Variants in SYNGR1 observed in about 807,000 individuals in gnomAD.
SYNGR1 encodes the protein synaptogyrin-1.
Under a neutral mutation model 26.1 loss-of-function variants are expected in SYNGR1, and 14 were observed. The observed-to-expected ratio is 0.54, with a 90% CI of 0.35 to 0.84. The LOEUF (loss-of-function observed/expected upper bound fraction) is 0.84, where lower values mean the gene tolerates loss of function less well. Ranked by LOEUF, SYNGR1 falls within the 40% of genes least tolerant of loss-of-function variation. The pLI is 0.01. For synonymous variants in SYNGR1, 141 were observed against 150.1 expected (o/e 0.94, Z 0.44); for missense variants, 319 against 332.9 (o/e 0.96, Z 0.33).
rs944488632 is a variant in SYNGR1, at chr22:39,385,208, G to A, written c.*3294G>A. Reference sequence around the variant, plus strand: ...AGTTTATGGGAGAAGGGACTGGGCCGGCTGCCTCCCAGCGATGCACTTGAC... The same window carrying A: ...AGTTTATGGGAGAAGGGACTGGGCCAGCTGCCTCCCAGCGATGCACTTGAC... On this transcript the variant is annotated 3_prime_UTR_variant, in exon 4 of 4. Transcript: ENST00000328933. 1.5e-5 allele frequency: 6 copies of A among 390,268 alleles called. No homozygotes were observed. Among genetic ancestry groups the A allele is most frequent in the South Asian group, 1.4e-4 (1 of 6,924 alleles). 24.2% of individuals were successfully genotyped at this position (390,268 alleles called of 1,614,324 possible).
rs1925512314 is a variant in SYNGR1, at chr22:39,381,887, C to T, written c.675C>T (p.Pro225=). The T allele has an allele frequency of 1.9e-6, 3 of 1,612,540 alleles. No homozygotes were observed. Among genetic ancestry groups the T allele is most frequent in the Non-Finnish European group, 2.5e-6 (3 of 1,179,808 alleles). ...CGGCCAACACCTTCGACACCGAGCC[C>T]CAGGGCTACCAGTCGCAGGGCTACT... ...QQPANTFDTE[P]QGYQSQGY is the part of the protein sequence containing the mutation. The change falls in exon 4 of 4, where the codon CCC becomes CCT. Residue 225 remains proline, a synonymous_variant. Transcript: ENST00000328933.
chr22:39,364,109 A>G (rs945578073), intron 1 of SYNGR1: 6 of 1,594,874 alleles, frequency 3.8e-6, no homozygotes, highest in Non-Finnish European at 5.1e-6. Flanking sequence ...GAGGGGAGAT[A>G]CCATCTCCCC....
At chr22:39,367,245 G>T (rs1318982388) in intron 1 of SYNGR1, among the ~76,000 whole-genome samples, 3 of 152,236 alleles carry the variant, frequency 2.0e-5, no homozygotes, top group African/African-American at 7.2e-5. Flanking sequence ...AGGAAATGTT[G>T]AGTGAACGAA....
intron 3 of SYNGR1, chr22:39,377,111 C>A: frequency 6.5e-7 from 1 of 1,539,866 alleles, no homozygotes; most frequent in Non-Finnish European, 8.8e-7. Flanking sequence ...CTTCTGGGCC[C>A]AGCCTCCTGC....
intron 1 of SYNGR1, among the ~76,000 whole-genome samples, chr22:39,360,570 G>T (rs191119696): frequency 6.6e-6 from 1 of 152,138 alleles, no homozygotes; most frequent in Admixed American, 6.6e-5. Flanking sequence ...GAATGTGGAC[G>T]CCCTCACCCC....
At chr22:39,373,551 C>T (rs984475104) in intron 1 of SYNGR1, among the ~76,000 whole-genome samples, 6 of 151,964 alleles carry the variant, frequency 3.9e-5, no homozygotes, top group East Asian at 1.9e-4. Context: ...GGCATGATCA[C>T]GGTTCACTAC....
chr22:39,380,836 G>A (rs146160115), intron 3 of SYNGR1, among the ~76,000 whole-genome samples: 5,767 of 151,928 alleles, frequency 0.038, 373 homozygotes, highest in African/African-American at 0.13. Flanking sequence ...GGCCAGGCTG[G>A]TCTCAAACTC....
rs1246145796 is a variant in SYNGR1, at chr22:39,382,466, CTG to C, written c.*553_*554del. 1.2e-5 allele frequency: 2 copies of C among 171,120 alleles called. No individual in the cohort carries two copies. The highest frequency in any genetic ancestry group is 2.6e-5 in the Non-Finnish European group (2 of 78,290). The allele number at this position is 171,120 out of a possible 1,614,324, so 10.6% of individuals were successfully genotyped here. ...CGTCTCCATTTTATGGTTGAGGAAA[CTG>C]AGGTCTAGAGAGGTCAAGATTACTT... On this transcript the variant is annotated 3_prime_UTR_variant, in exon 4 of 4. Coordinates refer to ENST00000328933, the MANE Select transcript of SYNGR1 (RefSeq NM_004711.5).
rs1390479212 is a variant in SYNGR1, at chr22:39,350,570, G to A, written c.99+461G>A. 6.6e-6 allele frequency among the ~76,000 whole-genome samples: 1 copy of A among 152,166 alleles called. No individual in the cohort carries two copies. Among genetic ancestry groups the A allele is most frequent in the Non-Finnish European group, 1.5e-5 (1 of 68,018 alleles). ...CGCGCCTGCGATGGACGTTGGAGGAGGAGAGGGCCGGGAACCGGGTTCGTA... is the reference window on the plus strand; with the variant it reads ...CGCGCCTGCGATGGACGTTGGAGGAAGAGAGGGCCGGGAACCGGGTTCGTA... On this transcript the variant is annotated intron_variant, in intron 1 of 3. Coordinates refer to ENST00000328933, the MANE Select transcript of SYNGR1 (RefSeq NM_004711.5). The surrounding 1 kb of genome is among the most constrained non-coding windows in gnomAD (Gnocchi z 4.3).
chr22:39,377,334 C>T (rs1925327695), intron 3 of SYNGR1: 2 of 985,398 alleles, frequency 2.0e-6, no homozygotes, highest in Non-Finnish European at 2.4e-6. Flanking sequence ...GCTGCTCCAC[C>T]CCTCAGTGTC....
intron 1 of SYNGR1, among the ~76,000 whole-genome samples, chr22:39,360,636 G>A (rs995504832): frequency 1.3e-5 from 2 of 152,162 alleles, no homozygotes; most frequent in Non-Finnish European, 2.9e-5. Context: ...TAATATACAT[G>A]CTGAGCACGG....
intron 1 of SYNGR1, among the ~76,000 whole-genome samples, chr22:39,370,855 A>G (rs1174890589): frequency 6.6e-6 from 1 of 151,854 alleles, no homozygotes; most frequent in Non-Finnish European, 1.5e-5. Context: ...TCCTGACCTC[A>G]AGTGATCTAC....
rs912799384 is a variant in SYNGR1, at chr22:39,378,126, C to T, written c.483+1929C>T. ...AGAGCAATAGCCTCTCCCTTCACAG[C>T]GGTGTGAAGAGTGACCTCACTGTCC... On this transcript the variant is annotated intron_variant, in intron 3 of 3. Transcript: ENST00000328933. 46 of 1,162,014 alleles carry T rather than the reference C, an allele frequency of 4.0e-5. No homozygotes were observed. In the Middle Eastern group the frequency reaches 2.0e-3, roughly 50 times the overall value. The allele number at this position is 1,162,014 out of a possible 1,614,324, so 72.0% of individuals were successfully genotyped here.
intron 1 of SYNGR1, among the ~76,000 whole-genome samples, chr22:39,361,420 A>G (rs893925345): frequency 2.1e-5 from 3 of 145,096 alleles, no homozygotes; most frequent in Non-Finnish European, 4.5e-5. Flanking sequence ...GTACAGTAGC[A>G]CGATCCCAAC....
chr22:39,365,878 A>G (rs561043076), intron 1 of SYNGR1, among the ~76,000 whole-genome samples: 5 of 150,052 alleles, frequency 3.3e-5, no homozygotes, highest in Non-Finnish European at 5.9e-5. Context: ...TTGTATTTTT[A>G]ATAGAGACAG....
intron 3 of SYNGR1, chr22:39,378,029 C>T (rs1295988963): frequency 8.3e-7 from 1 of 1,197,690 alleles, no homozygotes; most frequent in Admixed American, 3.6e-5. Flanking sequence ...TGGACAGTTA[C>T]CAGGTAGGTA....
intron 1 of SYNGR1, among the ~76,000 whole-genome samples, chr22:39,372,884 C>G (rs1313718649): frequency 1.3e-5 from 2 of 152,088 alleles, no homozygotes; most frequent in Non-Finnish European, 2.9e-5. Flanking sequence ...CCCTCAGTTC[C>G]TTGCCATGCA....
At chr22:39,353,214 CT>C (rs1923996663) in intron 1 of SYNGR1, among the ~76,000 whole-genome samples, 1 of 151,936 alleles carries the variant, frequency 6.6e-6, no homozygotes, top group Non-Finnish European at 1.5e-5. Context: ...TTTTCTGTTG[CT>C]TTTCCAAAAG....
intron 3 of SYNGR1, chr22:39,377,929 G>A (rs1893019691): frequency 1.0e-5 from 14 of 1,349,964 alleles, no homozygotes; most frequent in East Asian, 3.3e-5. Flanking sequence ...TGTGCCTAGT[G>A]ATGAATTAGG....
Sources: allele counts gnomAD v4.1 joint callset (sites outside exome capture counted in the v4.1 genomes callset), GRCh38; gene constraint gnomAD v4.1.1; non-coding constraint Gnocchi (gnomAD v3.1); transcripts MANE v1.5; gene names NCBI Gene and HGNC (gene_info 2026-07-23, HGNC 2026-07-21).